Variants in PRH1 observed in about 807,000 individuals in gnomAD.
The protein encoded by PRH1 is proline rich protein HaeIII subfamily 1.
Under a neutral mutation model 7.9 loss-of-function variants are expected in PRH1, and 7 were observed. That is an observed-to-expected ratio of 0.89 (90% confidence interval 0.50 to 1.67). The LOEUF is 1.67. PRH1 is among the 40% of genes most tolerant of loss of function. PRH1 has a pLI of 0.00. For synonymous variants in PRH1, 45 were observed against 80.8 expected, an observed-to-expected ratio of 0.56 and a Z score of 2.38; for missense variants, 109 against 223.6, an observed-to-expected ratio of 0.49 and a Z score of 3.27.
At chr12:11,052,070 A>C (rs1156521629), upstream of PRH1, among the ~76,000 whole-genome samples, 2 of 152,294 alleles carry the variant, frequency 1.3e-5, no homozygotes, top group African/African-American at 4.8e-5. Context: ...ACACAGTTTG[A>C]CTAAATTTAT....
At chr12:10,898,699 G>A (rs1223716838) in intron 2 of PRH1, among the ~76,000 whole-genome samples, 1 of 152,156 alleles carries the variant, frequency 6.6e-6, no homozygotes, top group East Asian at 1.9e-4. Context: ...TGTCAGAAGA[G>A]GGGTTGAAAT....
At chr12:11,010,066 C>T (rs77946921) in intron 1 of PRH1, among the ~76,000 whole-genome samples, 2,983 of 152,008 alleles carry the variant, frequency 0.02, 98 homozygotes, top group African/African-American at 0.068. Context: ...TAAAATCAAA[C>T]TCTTTCTTAT....
At chr12:10,908,378 G>A in intron 2 of PRH1, 2 of 1,601,680 alleles carry the variant, frequency 1.2e-6, no homozygotes, top group Admixed American at 1.7e-5. Flanking sequence ...TTATGAAATT[G>A]TGAGTTTCTC....
At chr12:11,145,686 G>A (rs1322347785) in intron 1 of PRH1, among the ~76,000 whole-genome samples, 1 of 152,098 alleles carries the variant, frequency 6.6e-6, no homozygotes, top group Non-Finnish European at 1.5e-5. Context: ...TATACAGAAA[G>A]CTTATGATTT....
intron 1 of PRH1, chr12:11,006,129 C>G (rs10772414): frequency 0.75 from 113,174 of 151,838 alleles, 44,592 homozygotes; most frequent in East Asian, 0.96. Flanking sequence ...GCTTCATATA[C>G]CGACGATTCT....
At chr12:11,118,716 C>G (rs140066754), downstream of PRH1, among the ~76,000 whole-genome samples, 2 of 151,928 alleles carry the variant, frequency 1.3e-5, no homozygotes, top group African/African-American at 4.8e-5. Context: ...GTGGTATGGC[C>G]GGGGGCGGTG....
intron 1 of PRH1, among the ~76,000 whole-genome samples, chr12:11,098,834 C>T (rs114311467): frequency 0.015 from 2,339 of 152,260 alleles, 21 homozygotes; most frequent in South Asian, 0.031. Context: ...CACAAATACA[C>T]GCATGTGCAC....
At chr12:11,119,909 T>C (rs1484291030), downstream of PRH1, among the ~76,000 whole-genome samples, 7 of 152,204 alleles carry the variant, frequency 4.6e-5, no homozygotes, top group African/African-American at 1.4e-4. Context: ...ACTTTTATAT[T>C]TTATGGACTG....
intron 2 of PRH1, among the ~76,000 whole-genome samples, chr12:10,955,700 AAG>A (rs1360424027): frequency 6.6e-6 from 1 of 152,158 alleles, no homozygotes; most frequent in East Asian, 1.9e-4. Flanking sequence ...AAAGAAAAAA[AAG>A]AGAGAAGATC....
chr12:10,968,689 G>A (rs1041576139), intron 2 of PRH1, among the ~76,000 whole-genome samples: 1 of 152,218 alleles, frequency 6.6e-6, no homozygotes, highest in African/African-American at 2.4e-5. Context: ...GGGCTGGCAG[G>A]GGTGAAATCC....
At chr12:10,986,644 G>C (rs1565523844) in intron 1 of PRH1, 3 of 1,612,954 alleles carry the variant, frequency 1.9e-6, no homozygotes, top group South Asian at 1.1e-5. Context: ...TAAAAAGCTG[G>C]ATTCAACACA....
At chr12:11,137,816 T>G (rs538985441) in intron 1 of PRH1, among the ~76,000 whole-genome samples, 1 of 152,174 alleles carries the variant, frequency 6.6e-6, no homozygotes, top group Non-Finnish European at 1.5e-5. Context: ...CAAAAATAAA[T>G]CATTTAATGA....
At chr12:11,066,462 A>G (rs1262064081) in intron 1 of PRH1, among the ~76,000 whole-genome samples, 3 of 152,010 alleles carry the variant, frequency 2.0e-5, no homozygotes, top group Non-Finnish European at 4.4e-5. Flanking sequence ...TATTTGCTTA[A>G]GCAATATATT....
At chr12:10,978,091 AAG>A (rs1339671942) in intron 1 of PRH1, among the ~76,000 whole-genome samples, 1 of 151,326 alleles carries the variant, frequency 6.6e-6, no homozygotes, top group Non-Finnish European at 1.5e-5. Flanking sequence ...AAAAAAAAAA[AAG>A]AAAGAGCCCA....
intron 1 of PRH1, among the ~76,000 whole-genome samples, chr12:11,042,357 T>A (rs780874302): frequency 2.0e-5 from 3 of 151,604 alleles, no homozygotes; most frequent in African/African-American, 2.4e-5. Context: ...TAAATTGGAA[T>A]CTCTAAAACA....
intron 2 of PRH1, among the ~76,000 whole-genome samples, chr12:10,918,176 C>A (rs575347989): frequency 6.6e-6 from 1 of 152,104 alleles, no homozygotes; most frequent in East Asian, 1.9e-4. Context: ...ACAATGAGAT[C>A]ACATGGACAC....
At chr12:11,120,106 T>TTACTTTGATTAATC (rs531077691), downstream of PRH1, among the ~76,000 whole-genome samples, 8 of 152,214 alleles carry the variant, frequency 5.3e-5, no homozygotes, top group Non-Finnish European at 1.0e-4. Flanking sequence ...TGAAAGAGAA[T>TTACTTTGATTAATC]TACTTTGATT....
chr12:11,078,234 A>G (rs1467200791), intron 1 of PRH1: 1 of 394,866 alleles, frequency 2.5e-6, no homozygotes, highest in African/African-American at 2.2e-5. Context: ...TGAGCAGAAA[A>G]TATACCATGT....
chr12:11,169,350 G>T (rs1947737847), intron 1 of PRH1, among the ~76,000 whole-genome samples: 1 of 152,156 alleles, frequency 6.6e-6, no homozygotes, highest in Non-Finnish European at 1.5e-5. Context: ...ACTCTCAGGT[G>T]GAAAGAAGGA....
Sources: allele counts gnomAD v4.1 joint callset (sites outside exome capture counted in the v4.1 genomes callset), GRCh38; gene constraint gnomAD v4.1.1; transcripts MANE v1.5; gene names NCBI Gene and HGNC (gene_info 2026-07-23, HGNC 2026-07-21).